Variants in ACTR3 observed in about 807,000 individuals in gnomAD.
ACTR3 encodes the protein actin related protein 3.
Under a neutral mutation model 56.8 loss-of-function variants are expected in ACTR3, and 12 were observed. The ratio of observed to expected loss-of-function variants is 0.21; its 90% CI spans 0.14 to 0.34. The LOEUF is 0.34. Among genes scored for constraint, ACTR3 ranks in the 10% least tolerant of loss-of-function variants. The probability of loss-of-function intolerance (pLI) is 1.00; values close to 1 mark genes in which losing one functional copy is unlikely to be tolerated. For synonymous variants in ACTR3, 162 were observed against 167.4 expected, an observed-to-expected ratio of 0.97 and a Z score of 0.25; for missense variants, 282 against 512.5, an observed-to-expected ratio of 0.55 and a Z score of 4.34.
At chr2:113,943,591 A>G (rs1003705008) in intron 8 of ACTR3, among the ~76,000 whole-genome samples, 1 of 152,224 alleles carries the variant, frequency 6.6e-6, no homozygotes, top group African/African-American at 2.4e-5. Flanking sequence ...AAAGATGAAT[A>G]GTATTTGTGG....
intron 6 of ACTR3, among the ~76,000 whole-genome samples, chr2:113,936,323 AAG>A (rs1679825571): frequency 1.4e-5 from 2 of 145,396 alleles, no homozygotes; most frequent in African/African-American, 5.2e-5. Context: ...AAAAAAAAAA[AAG>A]GTTGGTGGGG....
At chr2:113,913,049 A>G (rs1489707957) in intron 1 of ACTR3, 123 bp from the exon 2 acceptor site, 5 of 594,316 alleles carry the variant, frequency 8.4e-6, no homozygotes, top group Non-Finnish European at 1.5e-5. Flanking sequence ...AAGTGAAACT[A>G]TGGAATTTGG....
chr2:113,935,981 T>C (rs556016123), intron 6 of ACTR3, among the ~76,000 whole-genome samples: 2 of 151,858 alleles, frequency 1.3e-5, no homozygotes, highest in East Asian at 3.9e-4. Context: ...AAAGAATGAG[T>C]TTTAGTAAGG....
chr2:113,903,974 A>C (rs1254157258), intron 1 of ACTR3: 1 of 152,054 alleles, frequency 6.6e-6, no homozygotes, highest in Non-Finnish European at 1.5e-5. Context: ...CTCCCGCCTC[A>C]GCCTCCTGAG....
At chr2:113,929,625 C>G (rs192126067) in intron 4 of ACTR3, among the ~76,000 whole-genome samples, 7 of 152,136 alleles carry the variant, frequency 4.6e-5, no homozygotes, top group African/African-American at 1.7e-4. Context: ...TTTGCACACC[C>G]CCCAGTGATG....
Position 113,913,222 on chromosome 2 carries a change from CT to C in ACTR3, c.97del (p.Ser33ProfsTer19). On this transcript the variant is annotated frameshift_variant, in exon 2 of 12. Coordinates refer to ENST00000263238, the MANE Select transcript of ACTR3 (RefSeq NM_005721.5). LOFTEE classifies it high-confidence loss of function. ...AATACAGAACCACAGTTTATCATCC[CT>C]TCCTGTAAGTATTTCTTTTAAGCCA... ...AGNTEPQFII[P>X]SCIAIKESAK... 1 of 1,589,144 alleles carries C rather than the reference CT, an allele frequency of 6.3e-7. No homozygotes were observed. Among genetic ancestry groups the C allele is most frequent in the Admixed American group, 1.8e-5 (1 of 56,078 alleles).
chr2:113,932,331 T>C (rs1238552366), intron 5 of ACTR3, among the ~76,000 whole-genome samples: 1 of 152,228 alleles, frequency 6.6e-6, no homozygotes, highest in Non-Finnish European at 1.5e-5. Context: ...CTTTTTTAGT[T>C]CTTAGAATAT....
In ACTR3 at chr2:113,955,666, G is replaced by T; in HGVS notation, c.1121G>T (p.Arg374Leu). The T allele has an allele frequency of 6.2e-7, 1 of 1,613,494 alleles. No individual in the cohort carries two copies. Among genetic ancestry groups the T allele is most frequent in the Non-Finnish European group, 8.5e-7 (1 of 1,179,544 alleles). Residue 374 changes from arginine (R) to leucine (L), a missense_variant, in exon 11 of 12, where the codon CGA (arginine) becomes CTA (leucine). Coordinates refer to ENST00000263238, the MANE Select transcript of ACTR3 (RefSeq NM_005721.5). Reference sequence around the variant, plus strand: ...CAAGTCATTACACACCACATGCAGCGATATGCAGTTTGGTTTGGAGGATCA... The same window carrying T: ...CAAGTCATTACACACCACATGCAGCTATATGCAGTTTGGTTTGGAGGATCA... ...DVQVITHHMQRYAVWFGGSML... is the reference protein window; with the variant it reads ...DVQVITHHMQLYAVWFGGSML...
chr2:113,923,393 A>G (rs1679549114), intron 3 of ACTR3, among the ~76,000 whole-genome samples: 1 of 152,040 alleles, frequency 6.6e-6, no homozygotes, highest in South Asian at 2.1e-4. Flanking sequence ...GCTAGAGTGC[A>G]GTGGCGCGAT....
At chr2:113,891,344 T>TA (rs1369096094) in intron 1 of ACTR3, among the ~76,000 whole-genome samples, 2 of 151,556 alleles carry the variant, frequency 1.3e-5, no homozygotes, top group Non-Finnish European at 2.9e-5. Flanking sequence ...TGCAAATAGT[T>TA]ACTCGTAGAT....
intron 8 of ACTR3, among the ~76,000 whole-genome samples, chr2:113,948,188 G>T (rs1680056119): frequency 6.6e-6 from 1 of 151,980 alleles, no homozygotes; most frequent in Non-Finnish European, 1.5e-5. Flanking sequence ...TGGAAACAGG[G>T]TCTTGCTCTG....
At chr2:113,935,813 ACTTGC>A (rs1330415167) in intron 6 of ACTR3, among the ~76,000 whole-genome samples, 1 of 152,148 alleles carries the variant, frequency 6.6e-6, no homozygotes, top group Non-Finnish European at 1.5e-5. Flanking sequence ...CAAATAATTG[ACTTGC>A]CTAAGGTCAC....
intron 1 of ACTR3, among the ~76,000 whole-genome samples, chr2:113,891,901 C>T (rs909490865): frequency 6.6e-6 from 1 of 151,938 alleles, no homozygotes; most frequent in Non-Finnish European, 1.5e-5. Context: ...TTTTTTATTT[C>T]TCCCTTCTTA....
chr2:113,956,718 T>C (rs1358333039), intron 11 of ACTR3, among the ~76,000 whole-genome samples: 1 of 152,214 alleles, frequency 6.6e-6, no homozygotes, highest in African/African-American at 2.4e-5. Flanking sequence ...AATATTAAAA[T>C]GAAGGAGCTT....
At chr2:113,943,180 GT>G (rs1461494110) in intron 8 of ACTR3, among the ~76,000 whole-genome samples, 1 of 152,244 alleles carries the variant, frequency 6.6e-6, no homozygotes, top group Non-Finnish European at 1.5e-5. Context: ...CAAAGAGCAT[GT>G]AAGTCTGCTT....
chr2:113,945,185 C>T (rs1422725956), intron 8 of ACTR3, among the ~76,000 whole-genome samples: 1 of 152,128 alleles, frequency 6.6e-6, no homozygotes, highest in Non-Finnish European at 1.5e-5. Context: ...ATTTTCTTTG[C>T]ACTTTATCAA....
chr2:113,953,359 A>G (rs183878818), intron 10 of ACTR3: 1 of 152,286 alleles, frequency 6.6e-6, no homozygotes, highest in African/African-American at 2.4e-5. Flanking sequence ...TATTTGCATT[A>G]TATACTGGTT....
intron 8 of ACTR3, among the ~76,000 whole-genome samples, chr2:113,949,665 A>C (rs1298707252): frequency 6.6e-6 from 1 of 152,048 alleles, no homozygotes; most frequent in Non-Finnish European, 1.5e-5. Flanking sequence ...AGGGTCAAGC[A>C]ATCCTTTTTC....
chr2:113,950,672 T>G (rs1249893612), intron 8 of ACTR3, among the ~76,000 whole-genome samples: 3 of 152,216 alleles, frequency 2.0e-5, no homozygotes, highest in Non-Finnish European at 4.4e-5. Context: ...ATAGTAAATA[T>G]GCATATGTAA....
Sources: gnomAD v4.1 joint callset for allele counts (sites outside exome capture counted in the v4.1 genomes callset) on GRCh38, gnomAD v4.1.1 for gene constraint, MANE v1.5 for transcripts, NCBI Gene and HGNC (gene_info 2026-07-23, HGNC 2026-07-21) for gene names.